The following YARS1 variants were observed in gnomAD, a reference collection of about 807,000 sequenced individuals.
YARS1 encodes the protein tyrosine--tRNA ligase, cytoplasmic.
In YARS1, 36 loss-of-function variants were observed where a neutral mutation model predicts 62.2. The observed-to-expected ratio is 0.58, with a 90% CI of 0.44 to 0.76. YARS1 has a LOEUF of 0.76. Ranked by LOEUF, YARS1 falls within the 30% of genes least tolerant of loss-of-function variation. YARS1 has a pLI of 0.00. For synonymous variants in YARS1, 234 were observed against 244.9 expected, an observed-to-expected ratio of 0.96 and a Z score of 0.42; for missense variants, 524 against 639.8, an observed-to-expected ratio of 0.82 and a Z score of 1.95.
At chr1:32,797,714 G>T in intron 5 of YARS1, 49 bp downstream of exon 5, 2 of 1,477,656 alleles carry the variant, frequency 1.4e-6, no homozygotes, top group Non-Finnish European at 1.9e-6. Context: ...AAACACAGCT[G>T]CATACCTCTG....
At chr1:32,805,094 G>A (rs10914619) in intron 4 of YARS1, among the ~76,000 whole-genome samples, 85,158 of 151,686 alleles carry the variant, frequency 0.56, 24,245 homozygotes, top group East Asian at 0.74. Flanking sequence ...CAGGCGTGGC[G>A]GCACGCGCCT....
intron 1 of YARS1, chr1:32,816,701 A>AGG: frequency 6.1e-6 from 1 of 164,196 alleles, no homozygotes; most frequent in South Asian, 1.4e-4. Flanking sequence ...TTGTGGAGTG[A>AGG]GGGGGGGGGA....
At chr1:32,814,426 T>C (rs1240514540) in intron 1 of YARS1, among the ~76,000 whole-genome samples, 1 of 152,204 alleles carries the variant, frequency 6.6e-6, no homozygotes, top group Non-Finnish European at 1.5e-5. Flanking sequence ...AGTCTTGCTC[T>C]GTCACCCAAG....
intron 4 of YARS1, among the ~76,000 whole-genome samples, chr1:32,798,700 T>C (rs1157694619): frequency 6.6e-6 from 1 of 152,164 alleles, no homozygotes; most frequent in Admixed American, 6.5e-5. Flanking sequence ...TGCGCATCTA[T>C]AGTCCCAGCT....
chr1:32,782,556 G>C lies in YARS1; in HGVS notation c.907-17C>G. ...ATGTACAACCTGCAGAATCGAACAAGACCTAGTGAGATAAAGTCTAGAACA... is the reference window on the plus strand; with the variant it reads ...ATGTACAACCTGCAGAATCGAACAACACCTAGTGAGATAAAGTCTAGAACA... On this transcript the variant is annotated splice_polypyrimidine_tract_variant and intron_variant, in intron 8 of 12. Coordinates refer to ENST00000373477, the MANE Select transcript of YARS1 (RefSeq NM_003680.4). The C allele has an allele frequency of 6.2e-7, 1 of 1,614,058 alleles. No homozygotes were observed.
At position 32,805,264 on chromosome 1, in the gene YARS1, G is replaced by GGAGAGGGA. The variant is rs777807658; in HGVS notation, c.510+1210_510+1217dup. On this transcript the variant is annotated intron_variant, in intron 4 of 12. Transcript: ENST00000373477. Reference sequence around the variant, plus strand: ...GGGAGAGGGGGAGAGGGGGAGAGGGGGAGAGGGAGAGAGGGAGAGAGGGAG... The same window carrying GGAGAGGGA: ...GGGAGAGGGGGAGAGGGGGAGAGGGGGAGAGGGAGAGAGGGAGAGAGGGAGAGAGGGAG... Among the ~76,000 whole-genome samples, 245 of 42,300 alleles carry GGAGAGGGA rather than the reference G, an allele frequency of 5.8e-3. 11 individuals carry two copies. Among genetic ancestry groups the GGAGAGGGA allele is most frequent in the Non-Finnish European group, 7.1e-3 (143 of 20,246 alleles). 27.8% of individuals were successfully genotyped at this position (42,300 alleles called of 152,430 possible). A position where few individuals can be genotyped will look rare whatever the true frequency, so the allele number is the denominator to read the frequency against.
intron 1 of YARS1, among the ~76,000 whole-genome samples, chr1:32,815,947 A>G (rs1192671681): frequency 6.6e-6 from 1 of 151,958 alleles, no homozygotes; most frequent in African/African-American, 2.4e-5. Context: ...GTCTCTACTA[A>G]AAATACAAAA....
chr1:32,807,323 G>T (rs2148615272), intron 3 of YARS1, among the ~76,000 whole-genome samples: 1 of 152,212 alleles, frequency 6.6e-6, no homozygotes, highest in Non-Finnish European at 1.5e-5. Context: ...TCTTGTGTCG[G>T]GCTTTCAAGT....
At chr1:32,780,867 A>G (rs1174322083) in intron 10 of YARS1, among the ~76,000 whole-genome samples, 181 bp downstream of exon 10, 2 of 152,248 alleles carry the variant, frequency 1.3e-5, no homozygotes, top group African/African-American at 4.8e-5. Context: ...GTTTGGTTGC[A>G]TAATATCCAC....
intron 8 of YARS1, among the ~76,000 whole-genome samples, chr1:32,785,093 T>C (rs992479765): frequency 1.3e-5 from 2 of 152,152 alleles, no homozygotes; most frequent in South Asian, 4.1e-4. Context: ...ATTGTACCAT[T>C]TGCCTATCGA....
chr1:32,806,411 T>A (rs1371131731), intron 4 of YARS1, 71 bp downstream of exon 4: 28 of 1,611,158 alleles, frequency 1.7e-5, no homozygotes, highest in Non-Finnish European at 2.1e-5. Context: ...TAAAGCAAAG[T>A]GCAATAAGAT....
At chr1:32,782,362 T>G in intron 9 of YARS1, 42 bp downstream of exon 9, 1 of 1,613,770 alleles carries the variant, frequency 6.2e-7, no homozygotes, top group Non-Finnish European at 8.5e-7. Flanking sequence ...ATTGACAAGC[T>G]CTCTCTCCTG....
chr1:32,808,362 G>A (rs1638509778), intron 3 of YARS1, among the ~76,000 whole-genome samples: 1 of 151,870 alleles, frequency 6.6e-6, no homozygotes, highest in Non-Finnish European at 1.5e-5. Context: ...GGGATTACAG[G>A]CGTGCACCAC....
At chr1:32,800,273 C>A (rs953861875) in intron 4 of YARS1, among the ~76,000 whole-genome samples, 4 of 152,120 alleles carry the variant, frequency 2.6e-5, no homozygotes, top group African/African-American at 9.7e-5. Flanking sequence ...CCAGCCACTG[C>A]GCCCAGCTCC....
At chr1:32,797,021 T>A (rs865923093) in intron 5 of YARS1, among the ~76,000 whole-genome samples, 43 of 41,330 alleles carry the variant, frequency 1.0e-3, no homozygotes, top group Non-Finnish European at 1.6e-3. Context: ...TATATATATA[T>A]ATATATATAT....
intron 5 of YARS1, chr1:32,797,449 G>A: frequency 2.3e-6 from 1 of 437,752 alleles, no homozygotes. Flanking sequence ...AGTTCCAACT[G>A]GTAATGCCTC....
chr1:32,808,179 C>T (rs931235571), intron 3 of YARS1, among the ~76,000 whole-genome samples: 1 of 151,726 alleles, frequency 6.6e-6, no homozygotes, highest in Non-Finnish European at 1.5e-5. Context: ...GCTGGGATTA[C>T]AGGCATGAGC....
chr1:32,808,854 T>A (rs1359379262), intron 3 of YARS1, among the ~76,000 whole-genome samples: 1 of 152,188 alleles, frequency 6.6e-6, no homozygotes, highest in Non-Finnish European at 1.5e-5. Context: ...GATACACATA[T>A]AACTCATTAT....
At chr1:32,804,092 G>T (rs1638379166) in intron 4 of YARS1, among the ~76,000 whole-genome samples, 1 of 152,216 alleles carries the variant, frequency 6.6e-6, no homozygotes, top group Admixed American at 6.5e-5. Context: ...CAAGGCAGAA[G>T]AATTTTTCTT....
Sources: gnomAD v4.1 joint callset for allele counts (sites outside exome capture counted in the v4.1 genomes callset) on GRCh38, gnomAD v4.1.1 for gene constraint, MANE v1.5 for transcripts, NCBI Gene and HGNC (gene_info 2026-07-23, HGNC 2026-07-21) for gene names.